The following BRINP3 variants were observed in gnomAD, a reference collection of about 807,000 sequenced individuals.
BRINP3 encodes the protein BMP/retinoic acid-inducible neural-specific protein 3.
Under a neutral mutation model 71.0 loss-of-function variants are expected in BRINP3, and 19 were observed. The ratio of observed to expected loss-of-function variants is 0.27; its 90% CI spans 0.19 to 0.39. BRINP3 has a LOEUF of 0.39. Ranked by LOEUF, BRINP3 falls within the 10% of genes least tolerant of loss-of-function variation. The pLI is 1.00. For synonymous variants in BRINP3, 380 were observed against 337.7 expected (o/e 1.13, Z -1.37); for missense variants, 959 against 940.8 (o/e 1.02, Z -0.25).
At chr1:190,259,109 A>G (rs1344515874) in intron 4 of BRINP3, among the ~76,000 whole-genome samples, 1 of 152,010 alleles carries the variant, frequency 6.6e-6, no homozygotes, top group Non-Finnish European at 1.5e-5. Flanking sequence ...ACTCTTTCAC[A>G]AAATAGAAGT....
intron 6 of BRINP3, among the ~76,000 whole-genome samples, chr1:190,192,374 A>C (rs2102578182): frequency 6.6e-6 from 1 of 152,282 alleles, no homozygotes; most frequent in Admixed American, 6.5e-5. Flanking sequence ...TGAATCACTA[A>C]GGAACATTAA....
intron 7 of BRINP3, among the ~76,000 whole-genome samples, chr1:190,123,817 T>A (rs367707368): frequency 2.6e-5 from 4 of 152,132 alleles, no homozygotes; most frequent in African/African-American, 9.6e-5. Flanking sequence ...TATTTTGCTG[T>A]CCATTGGTAA....
chr1:190,150,575 A>G (rs1279856982), intron 7 of BRINP3, among the ~76,000 whole-genome samples: 2 of 152,172 alleles, frequency 1.3e-5, no homozygotes, highest in African/African-American at 2.4e-5. Context: ...ACGACATCTT[A>G]TTATTTATTA....
chr1:190,411,757 A>G (rs527976542), intron 2 of BRINP3, among the ~76,000 whole-genome samples: 4 of 152,352 alleles, frequency 2.6e-5, no homozygotes, highest in Admixed American at 1.3e-4. Context: ...AGAGTGAAAT[A>G]ACAGGATACC....
At chr1:190,452,749 T>C (rs1245946461) in intron 2 of BRINP3, among the ~76,000 whole-genome samples, 1 of 151,980 alleles carries the variant, frequency 6.6e-6, no homozygotes, top group Non-Finnish European at 1.5e-5. Flanking sequence ...CTAAGCTACT[T>C]GGGAGCCTGA....
Position 190,169,799 on chromosome 1 carries a change from ATAAC to A in BRINP3, c.962-8913_962-8910del, listed in dbSNP as rs879756960. ...ATGTCTTTTATATAATTAGTCATAA[ATAAC>A]TGTTAGTTATTATTTTTCTTTTATA... On this transcript the variant is annotated intron_variant, in intron 6 of 7. Coordinates refer to ENST00000367462, the MANE Select transcript of BRINP3 (RefSeq NM_199051.3). Among the ~76,000 whole-genome samples, 6 of 152,298 alleles carry A rather than the reference ATAAC, an allele frequency of 3.9e-5. No individual in the cohort carries two copies. The South Asian group carries it at 1.2e-3, about 32-fold the overall frequency.
At chr1:190,172,248 T>C (rs999513176) in intron 6 of BRINP3, among the ~76,000 whole-genome samples, 1 of 151,098 alleles carries the variant, frequency 6.6e-6, no homozygotes, top group African/African-American at 2.4e-5. Context: ...TAACTCCTTA[T>C]ATATGAGTTA....
chr1:190,226,406 A>C, intron 5 of BRINP3, 88 bp from the exon 6 acceptor site: 1 of 692,882 alleles, frequency 1.4e-6, no homozygotes, highest in Non-Finnish European at 2.2e-6. Context: ...CAAAACAGTA[A>C]ATAATTTAGT....
At chr1:190,267,356 T>C (rs763838059) in intron 3 of BRINP3, among the ~76,000 whole-genome samples, 3 of 152,094 alleles carry the variant, frequency 2.0e-5, no homozygotes, top group Non-Finnish European at 2.9e-5. Context: ...AAGATATTAC[T>C]ATTACATGTG....
At chr1:190,409,530 CTT>C (rs1430361934) in intron 2 of BRINP3, among the ~76,000 whole-genome samples, 1 of 152,130 alleles carries the variant, frequency 6.6e-6, no homozygotes, top group Non-Finnish European at 1.5e-5. Context: ...AGAGTACACT[CTT>C]TTAAAAGTGA....
intron 6 of BRINP3, among the ~76,000 whole-genome samples, chr1:190,173,490 C>T (rs556968857): frequency 9.9e-5 from 15 of 152,134 alleles, no homozygotes; most frequent in African/African-American, 2.2e-4. Flanking sequence ...CATCTCCTCA[C>T]GCCCTTGAAG....
At chr1:190,218,230 G>A (rs1026321497) in intron 6 of BRINP3, among the ~76,000 whole-genome samples, 2 of 151,688 alleles carry the variant, frequency 1.3e-5, no homozygotes, top group Non-Finnish European at 2.9e-5. Context: ...AGGCATCATT[G>A]CCCTGATTCA....
chr1:190,137,526 T>C (rs894467908), intron 7 of BRINP3, among the ~76,000 whole-genome samples: 8 of 151,522 alleles, frequency 5.3e-5, no homozygotes, highest in Admixed American at 2.0e-4. Context: ...TTGTCTGGAA[T>C]GATAATGGTG....
intron 2 of BRINP3, among the ~76,000 whole-genome samples, chr1:190,317,637 T>G (rs748641595): frequency 4.1e-5 from 6 of 147,774 alleles, no homozygotes; most frequent in Non-Finnish European, 8.9e-5. Context: ...GAAAGTCACA[T>G]TGAAAAAAAA....
intron 2 of BRINP3, among the ~76,000 whole-genome samples, chr1:190,348,259 C>G (rs1453720543): frequency 6.6e-6 from 1 of 152,048 alleles, no homozygotes; most frequent in African/African-American, 2.4e-5. Flanking sequence ...TTGCCTTAGT[C>G]CTTTTTGGCC....
chr1:190,345,301 T>C (rs2103126262), intron 2 of BRINP3, among the ~76,000 whole-genome samples: 1 of 151,776 alleles, frequency 6.6e-6, no homozygotes, highest in South Asian at 2.1e-4. Context: ...TCCAGATTAC[T>C]TAAAATTAAA....
At chr1:190,341,640 C>G (rs540499476) in intron 2 of BRINP3, among the ~76,000 whole-genome samples, 232 of 151,748 alleles carry the variant, frequency 1.5e-3, no homozygotes, top group African/African-American at 5.4e-3. Context: ...TATCTTTTGA[C>G]TGGCTTTACA....
rs113538008 is a variant in BRINP3, at chr1:190,196,049, C to T, written c.961+30033G>A. Among the ~76,000 whole-genome samples, 1,007 of 152,208 alleles carry T rather than the reference C, an allele frequency of 6.6e-3. 7 individuals carry two copies. Among genetic ancestry groups the T allele is most frequent in the Admixed American group, 0.012 (179 of 15,254 alleles). ...TTGAGCTAGATTGTATAGAAGCTGTCCTATTTTCTGTGGTGATTCTCATGT... is the reference window on the plus strand; with the variant it reads ...TTGAGCTAGATTGTATAGAAGCTGTTCTATTTTCTGTGGTGATTCTCATGT... On this transcript the variant is annotated intron_variant, in intron 6 of 7. Transcript: ENST00000367462.
chr1:190,118,599 G>A (rs1653347592), intron 7 of BRINP3, among the ~76,000 whole-genome samples: 2 of 152,174 alleles, frequency 1.3e-5, no homozygotes, highest in Non-Finnish European at 2.9e-5. Context: ...ACAGCCTGGA[G>A]CAAAGTAACT....
Sources: allele counts gnomAD v4.1 joint callset (sites outside exome capture counted in the v4.1 genomes callset), GRCh38; gene constraint gnomAD v4.1.1; transcripts MANE v1.5; gene names NCBI Gene and HGNC (gene_info 2026-07-23, HGNC 2026-07-21).